Variants in DTNA observed in about 807,000 individuals in gnomAD.
The protein encoded by DTNA is dystrophin-related protein 3.
DTNA carries 43 observed loss-of-function variants against 100.7 expected under a neutral mutation model. The observed-to-expected ratio is 0.43, with a 90% CI of 0.33 to 0.55. DTNA has a LOEUF of 0.55. Ranked by LOEUF, DTNA falls within the 20% of genes least tolerant of loss-of-function variation. DTNA has a pLI of 0.04. For synonymous variants in DTNA, 349 were observed against 347.9 expected (o/e 1.00, Z -0.04); for missense variants, 798 against 953.9 (o/e 0.84, Z 2.15).
intron 1 of DTNA, among the ~76,000 whole-genome samples, chr18:34,590,412 A>G (rs1340801370): frequency 6.6e-6 from 1 of 152,234 alleles, no homozygotes; most frequent in East Asian, 1.9e-4. Flanking sequence ...TTAGCTATAA[A>G]ACTATCACCA....
At chr18:34,727,900 G>A (rs1228283214) in intron 1 of DTNA, among the ~76,000 whole-genome samples, 2 of 152,028 alleles carry the variant, frequency 1.3e-5, no homozygotes, top group African/African-American at 4.8e-5. Context: ...TGTGAAAGAG[G>A]ATATGTTTTT....
intron 9 of DTNA, among the ~76,000 whole-genome samples, chr18:34,826,996 G>A (rs1259460326): frequency 6.6e-6 from 1 of 152,156 alleles, no homozygotes; most frequent in Admixed American, 6.5e-5. Flanking sequence ...ATGGGATGCT[G>A]TACACCACAT....
chr18:34,890,937 G>A lies in DTNA; in HGVS notation c.*3203G>A, dbSNP rs1390811725. On this transcript the variant is annotated 3_prime_UTR_variant, in exon 23 of 23. Transcript: ENST00000444659. ...CTTTGTCCACCCTTATTAGTTCTTGGCTGTTAACCGTAGATAGATCTTGTA... is the reference window on the plus strand; with the variant it reads ...CTTTGTCCACCCTTATTAGTTCTTGACTGTTAACCGTAGATAGATCTTGTA... 1 of 153,902 alleles carries A rather than the reference G, an allele frequency of 6.5e-6. No individual in the cohort carries two copies. Among genetic ancestry groups the A allele is most frequent in the Non-Finnish European group, 1.4e-5 (1 of 68,984 alleles). The allele number at this position is 153,902 out of a possible 1,614,324, so 9.5% of individuals were successfully genotyped here. A position where few individuals can be genotyped will look rare whatever the true frequency, so the allele number is the denominator to read the frequency against.
intron 19 of DTNA, among the ~76,000 whole-genome samples, chr18:34,878,742 G>A (rs569159472): frequency 1.3e-5 from 2 of 152,204 alleles, no homozygotes; most frequent in East Asian, 1.9e-4. Context: ...ATACTACAAA[G>A]AGTGTTCAAA....
chr18:34,736,723 C>T (rs1414566172), intron 1 of DTNA, among the ~76,000 whole-genome samples: 1 of 152,092 alleles, frequency 6.6e-6, no homozygotes, highest in Admixed American at 6.5e-5. Context: ...TTATGAACCT[C>T]CAAAAAGTGT....
intron 14 of DTNA, among the ~76,000 whole-genome samples, chr18:34,850,340 T>A (rs2096457895): frequency 6.6e-6 from 1 of 152,192 alleles, no homozygotes; most frequent in Non-Finnish European, 1.5e-5. Context: ...GAAACTTATG[T>A]AATGAAATCA....
chr18:34,635,543 T>C (rs2058573580), intron 1 of DTNA, among the ~76,000 whole-genome samples: 1 of 152,206 alleles, frequency 6.6e-6, no homozygotes, highest in African/African-American at 2.4e-5. Context: ...TTGCATAATT[T>C]ATTACATTAA....
At chr18:34,880,063 C>T (rs2096857501) in intron 20 of DTNA, among the ~76,000 whole-genome samples, 2 of 152,290 alleles carry the variant, frequency 1.3e-5, no homozygotes, top group South Asian at 2.1e-4. Flanking sequence ...ATCATCCTAT[C>T]TTCTGAACTT....
chr18:34,793,905 C>G (rs767722421), intron 3 of DTNA, 132 bp from the exon 4 acceptor site: 3 of 876,692 alleles, frequency 3.4e-6, no homozygotes, highest in Non-Finnish European at 5.6e-6. Context: ...TGTTCATTTA[C>G]TTATGTTGAC....
At chr18:34,840,920 C>A (rs1331117505) in intron 13 of DTNA, among the ~76,000 whole-genome samples, 2 of 152,036 alleles carry the variant, frequency 1.3e-5, no homozygotes, top group Non-Finnish European at 2.9e-5. Context: ...AATGTAATGA[C>A]CTCTTACCTC....
At chr18:34,782,981 T>C (rs547853003) in intron 3 of DTNA, among the ~76,000 whole-genome samples, 3 of 152,228 alleles carry the variant, frequency 2.0e-5, no homozygotes, top group Admixed American at 6.5e-5. Context: ...ACATTAAAGA[T>C]GTGAGCTCTA....
chr18:34,804,342 G>A (rs2095305660), intron 4 of DTNA, among the ~76,000 whole-genome samples: 2 of 152,304 alleles, frequency 1.3e-5, no homozygotes, highest in Non-Finnish European at 2.9e-5. Context: ...GCAAAAGGCG[G>A]CCAGAGGGTT....
chr18:34,592,591 T>C (rs2049863536), intron 1 of DTNA, among the ~76,000 whole-genome samples: 1 of 151,898 alleles, frequency 6.6e-6, no homozygotes, highest in Non-Finnish European at 1.5e-5. Flanking sequence ...TTTTTTGCAC[T>C]CTCTCCTGTT....
At chr18:34,541,001 G>A (rs2044194151) in intron 1 of DTNA, among the ~76,000 whole-genome samples, 1 of 151,996 alleles carries the variant, frequency 6.6e-6, no homozygotes, top group Non-Finnish European at 1.5e-5. Flanking sequence ...AGGAATCCTT[G>A]CTGGATTCAA....
rs2095698787 is a variant in DTNA at position 34,820,930 on chromosome 18, C to T, written c.1001+15C>T. 6.2e-7 allele frequency: 1 copy of T among 1,611,144 alleles called. No homozygotes were observed. Among genetic ancestry groups the T allele is most frequent in the South Asian group, 1.1e-5 (1 of 91,002 alleles). ...GCTCACATCGTGTGAGTATCCCTAC[C>T]CTCCCAGTATAGAGACAATTTTCTT... On this transcript the variant is annotated intron_variant, in intron 9 of 22. Transcript: ENST00000444659.
chr18:34,533,297 G>A (rs1026346333), intron 1 of DTNA, among the ~76,000 whole-genome samples: 2 of 151,288 alleles, frequency 1.3e-5, no homozygotes, highest in Admixed American at 6.6e-5. Context: ...ACTTGAACCC[G>A]GGAGGCGAGG....
intron 3 of DTNA, among the ~76,000 whole-genome samples, chr18:34,771,486 T>C (rs2093770614): frequency 6.6e-6 from 1 of 151,472 alleles, no homozygotes; most frequent in South Asian, 2.1e-4. Context: ...AGTGATAGAG[T>C]GAGACTCCTT....
chr18:34,501,651 A>G (rs906630856), intron 1 of DTNA, among the ~76,000 whole-genome samples: 4 of 152,132 alleles, frequency 2.6e-5, no homozygotes, highest in African/African-American at 9.7e-5. Flanking sequence ...TTTAATATCT[A>G]TATTAGTGTG....
At chr18:34,749,668 A>G in intron 1 of DTNA, among the ~76,000 whole-genome samples, 1 of 62,870 alleles carries the variant, frequency 1.6e-5, no homozygotes, top group South Asian at 9.9e-4. Flanking sequence ...TAATAATAAT[A>G]ATAATAATAA....
Sources: gnomAD v4.1 joint callset for allele counts (sites outside exome capture counted in the v4.1 genomes callset) on GRCh38, gnomAD v4.1.1 for gene constraint, MANE v1.5 for transcripts, NCBI Gene and HGNC (gene_info 2026-07-23, HGNC 2026-07-21) for gene names.